Variants in FBXL2 observed in about 807,000 individuals in gnomAD.
The protein encoded by FBXL2 is F-box and leucine rich repeat protein 2.
In FBXL2, 38 loss-of-function variants were observed where a neutral mutation model predicts 69.2. The observed-to-expected ratio is 0.55, with a 90% CI of 0.42 to 0.72. The LOEUF is 0.72. Ranked by LOEUF, FBXL2 falls within the 30% of genes least tolerant of loss-of-function variation. The pLI is 0.00. For missense variants in FBXL2, 354 were observed against 520.3 expected, an observed-to-expected ratio of 0.68 and a Z score of 3.11; for synonymous variants, 192 against 201.3, an observed-to-expected ratio of 0.95 and a Z score of 0.39.
chr3:33,392,272 T>C (rs1231303156), downstream of FBXL2: 2 of 299,130 alleles, frequency 6.7e-6, no homozygotes, highest in East Asian at 6.2e-5. Flanking sequence ...GATTCTGTTT[T>C]ATTCAATAGA....
rs558455435 is a variant in FBXL2 at position 33,338,239 on chromosome 3, C to T, written c.66-20728C>T. ...CCAGCCTGGCCAACATGGTGAAACC[C>T]TCTCTCTACTAAAAATACAAAAATT... On this transcript the variant is annotated intron_variant, in intron 2 of 14. Transcript: ENST00000484457. Among the ~76,000 whole-genome samples the T allele has an allele frequency of 3.9e-5, 6 of 152,192 alleles. 1 individual carries two copies. Among genetic ancestry groups the T allele is most frequent in the African/African-American group, 1.4e-4 (6 of 41,534 alleles).
At chr3:33,352,217 A>G (rs967879441) in intron 2 of FBXL2, among the ~76,000 whole-genome samples, 1 of 152,208 alleles carries the variant, frequency 6.6e-6, no homozygotes, top group African/African-American at 2.4e-5. Context: ...AAGCAAGTCA[A>G]TGGAGAAAGT....
At chr3:33,405,707 C>T (rs2044400517), downstream of FBXL2, among the ~76,000 whole-genome samples, 1 of 152,112 alleles carries the variant, frequency 6.6e-6, no homozygotes, top group Admixed American at 6.5e-5. Flanking sequence ...TTGCAGTGAA[C>T]TTTGATCACA....
At chr3:33,358,491 A>G (rs188916462) in intron 2 of FBXL2, among the ~76,000 whole-genome samples, 2 of 152,098 alleles carry the variant, frequency 1.3e-5, no homozygotes, top group Admixed American at 1.3e-4. Context: ...GCTTAGGAAA[A>G]ACTGATCACT....
Position 33,297,696 on chromosome 3 carries a change from CA to C in FBXL2, c.41del (p.Lys14SerfsTer8). Reference protein sequence around the residue: ...FSNNDEGLINKKLPKELLLRI... With the variant: ...FSNNDEGLINXKLPKELLLRI... ...CAAACAATGATGAAGGCCTTATTAACAAAAAGTTACCCAAAGAACTTCTGTT... is the reference window on the plus strand; with the variant it reads ...CAAACAATGATGAAGGCCTTATTAACAAAAGTTACCCAAAGAACTTCTGTT... On this transcript the variant is annotated frameshift_variant, in exon 2 of 15. Transcript: ENST00000484457. LOFTEE classifies it high-confidence loss of function. 1.3e-6 allele frequency: 2 copies of C among 1,570,218 alleles called. No individual in the cohort carries two copies. Among genetic ancestry groups the C allele is most frequent in the Non-Finnish European group, 1.7e-6 (2 of 1,152,720 alleles).
chr3:33,336,395 AAAAC>A (rs1264610619), intron 2 of FBXL2, among the ~76,000 whole-genome samples: 1 of 152,236 alleles, frequency 6.6e-6, no homozygotes, highest in Non-Finnish European at 1.5e-5. Flanking sequence ...ATGGAAAAGA[AAAAC>A]AAACCTTGAT....
At chr3:33,409,257 A>C in the FBXL2 span, 1 of 1,614,110 alleles carries the variant, frequency 6.2e-7, no homozygotes, top group Non-Finnish European at 8.5e-7. Flanking sequence ...TTGTGGTATC[A>C]TAGGACGGCT....
At chr3:33,304,063 C>T (rs1418612801) in intron 2 of FBXL2, among the ~76,000 whole-genome samples, 1 of 151,716 alleles carries the variant, frequency 6.6e-6, no homozygotes, top group Non-Finnish European at 1.5e-5. Flanking sequence ...TCACAAATTC[C>T]ATTTCTAGAA....
At chr3:33,365,279 G>A (rs1369189922) in intron 5 of FBXL2, among the ~76,000 whole-genome samples, 1 of 129,522 alleles carries the variant, frequency 7.7e-6, no homozygotes, top group Non-Finnish European at 1.5e-5. Flanking sequence ...ATTATTTATT[G>A]GGGTTTTTTT....
intron 12 of FBXL2, chr3:33,400,349 CAG>C: frequency 7.7e-7 from 1 of 1,306,764 alleles, no homozygotes; most frequent in Non-Finnish European, 1.0e-6. Flanking sequence ...AAACAAAACA[CAG>C]AAAGCCTCGG....
intron 3 of FBXL2, 122 bp from the exon 4 acceptor site, chr3:33,359,161 T>C (rs1172671837): frequency 9.7e-6 from 9 of 926,368 alleles, no homozygotes; most frequent in Non-Finnish European, 1.4e-5. Context: ...ATTTGATGAT[T>C]AACTTAATAT....
At chr3:33,410,785 T>C in the FBXL2 span, among the ~76,000 whole-genome samples, 1 of 152,090 alleles carries the variant, frequency 6.6e-6, no homozygotes, top group Admixed American at 6.6e-5. Flanking sequence ...TAAAGTACTC[T>C]AACAGGCTGG....
chr3:33,328,550 T>TA (rs1170821059), intron 2 of FBXL2, among the ~76,000 whole-genome samples: 1 of 152,248 alleles, frequency 6.6e-6, no homozygotes, highest in Non-Finnish European at 1.5e-5. Flanking sequence ...TCCCTGTACT[T>TA]ACAGCCAACT....
chr3:33,396,172 C>T, intron 12 of FBXL2: 1 of 1,579,704 alleles, frequency 6.3e-7, no homozygotes, highest in Non-Finnish European at 8.7e-7. Flanking sequence ...CATAGGGTGC[C>T]CCACTGCCAT....
At chr3:33,343,860 C>T (rs1040317803) in intron 2 of FBXL2, among the ~76,000 whole-genome samples, 1 of 151,958 alleles carries the variant, frequency 6.6e-6, no homozygotes, top group Admixed American at 6.6e-5. Context: ...GCAAATGTTA[C>T]GGATAGTCTA....
At chr3:33,356,524 A>G (rs2041214970) in intron 2 of FBXL2, among the ~76,000 whole-genome samples, 1 of 151,848 alleles carries the variant, frequency 6.6e-6, no homozygotes, top group Admixed American at 6.6e-5. Flanking sequence ...TAATTTTTAT[A>G]TTTTTAGTAG....
chr3:33,395,889 G>T (rs1309743994), intron 12 of FBXL2, among the ~76,000 whole-genome samples: 1 of 146,958 alleles, frequency 6.8e-6, no homozygotes, highest in South Asian at 2.1e-4. Flanking sequence ...ATTCAAGCTA[G>T]TTTTTCCACT....
intron 2 of FBXL2, among the ~76,000 whole-genome samples, chr3:33,300,847 T>C (rs2036218248): frequency 6.6e-6 from 1 of 151,336 alleles, no homozygotes; most frequent in Non-Finnish European, 1.5e-5. Context: ...TAGCTGGGAC[T>C]ACAGGTGCCC....
chr3:33,385,911 C>G lies in FBXL2; in HGVS notation c.*303C>G, dbSNP rs2043401575. ...TGGTACCTACCTAGGTACGAAAGTT[C>G]TACCCTTGGCATACTCAGCATTCCT... On this transcript the variant is annotated 3_prime_UTR_variant, in exon 15 of 15. Coordinates refer to ENST00000484457, the MANE Select transcript of FBXL2 (RefSeq NM_012157.5). 2 of 375,770 alleles carry G rather than the reference C, an allele frequency of 5.3e-6. No homozygotes were observed. The highest frequency in any genetic ancestry group is 9.8e-6 in the Non-Finnish European group (2 of 204,396). 23.3% of individuals were successfully genotyped at this position (375,770 alleles called of 1,614,324 possible).
Sources: allele counts gnomAD v4.1 joint callset (sites outside exome capture counted in the v4.1 genomes callset), GRCh38; gene constraint gnomAD v4.1.1; transcripts MANE v1.5; gene names NCBI Gene and HGNC (gene_info 2026-07-23, HGNC 2026-07-21).